Variants in EXOC2 observed in about 807,000 individuals in gnomAD.
The protein encoded by EXOC2 is exocyst complex component 2.
EXOC2 carries 70 observed loss-of-function variants against 131.8 expected under a neutral mutation model. The observed-to-expected ratio is 0.53, with a 90% confidence interval of 0.44 to 0.65. The LOEUF (loss-of-function observed/expected upper bound fraction) is 0.65, where lower values mean the gene tolerates loss of function less well. Among genes scored for constraint, EXOC2 ranks in the 30% least tolerant of loss-of-function variants. EXOC2 has a pLI of 0.00. For synonymous variants in EXOC2, 411 were observed against 398.4 expected (o/e 1.03, Z -0.38); for missense variants, 923 against 1,108.6 (o/e 0.83, Z 2.38).
At chr6:542,531 T>C (rs920169286) in intron 22 of EXOC2, among the ~76,000 whole-genome samples, 13 of 152,290 alleles carry the variant, frequency 8.5e-5, no homozygotes, top group African/African-American at 3.1e-4. Flanking sequence ...AAGTCCGGAT[T>C]GACTGAGGAA....
chr6:606,539 T>A, intron 7 of EXOC2, among the ~76,000 whole-genome samples: 1 of 152,272 alleles, frequency 6.6e-6, no homozygotes, highest in East Asian at 1.9e-4. Flanking sequence ...GCCTTCTTTT[T>A]TGTTGTAATA....
intron 23 of EXOC2, among the ~76,000 whole-genome samples, chr6:528,141 G>A (rs1192014220): frequency 1.3e-5 from 2 of 151,242 alleles, no homozygotes; most frequent in Non-Finnish European, 2.9e-5. Context: ...AATACCCAAC[G>A]GTAAGATTTA....
rs543505179 is a variant in EXOC2 at position 508,438 on chromosome 6, C to A, written c.2381-8738G>T. Among the ~76,000 whole-genome samples, 4 of 152,324 alleles carry A rather than the reference C, an allele frequency of 2.6e-5. No homozygotes were observed. In the South Asian group the frequency reaches 6.2e-4, roughly 24 times the overall value. On this transcript the variant is annotated intron_variant, in intron 23 of 27. Transcript: ENST00000230449. Reference sequence around the variant, plus strand: ...ACAGTAGCTTCACTGCCCTAAAACTCCTCTGTGCTCCCTCCTTCCCCAGTA... The same window carrying A: ...ACAGTAGCTTCACTGCCCTAAAACTACTCTGTGCTCCCTCCTTCCCCAGTA...
intron 23 of EXOC2, among the ~76,000 whole-genome samples, chr6:510,475 G>A (rs1764777661): frequency 6.6e-6 from 1 of 151,942 alleles, no homozygotes; most frequent in African/African-American, 2.4e-5. Flanking sequence ...AGAAAACATT[G>A]CCAACAGTGA....
At chr6:528,931 C>T (rs1241333947) in intron 23 of EXOC2, among the ~76,000 whole-genome samples, 2 of 152,132 alleles carry the variant, frequency 1.3e-5, no homozygotes, top group East Asian at 3.9e-4. Context: ...TGGTAACTAG[C>T]TGGATGCAGA....
At chr6:514,025 G>A (rs944607605) in intron 23 of EXOC2, among the ~76,000 whole-genome samples, 1 of 152,208 alleles carries the variant, frequency 6.6e-6, no homozygotes, top group Admixed American at 6.5e-5. Flanking sequence ...CTTTTGAAAA[G>A]TGTTAGGAGG....
At chr6:582,334 A>G (rs1475767040) in intron 11 of EXOC2, among the ~76,000 whole-genome samples, 3 of 152,124 alleles carry the variant, frequency 2.0e-5, no homozygotes, top group Non-Finnish European at 2.9e-5. Flanking sequence ...GAGTAAGGTT[A>G]CTGTATTTTC....
intron 6 of EXOC2, 96 bp from the exon 7 acceptor site, chr6:610,274 A>AT: frequency 9.1e-7 from 1 of 1,102,456 alleles, no homozygotes; most frequent in Non-Finnish European, 1.3e-6. Flanking sequence ...TAAAATGGTC[A>AT]TATTATTTTC....
intron 23 of EXOC2, among the ~76,000 whole-genome samples, chr6:510,322 T>C (rs923822628): frequency 3.9e-5 from 6 of 152,206 alleles, no homozygotes; most frequent in African/African-American, 1.2e-4. Flanking sequence ...ACCCTTCCTA[T>C]GTAGCACATG....
intron 3 of EXOC2, 56 bp downstream of exon 3, chr6:632,885 A>T (rs945158872): frequency 6.5e-7 from 1 of 1,532,232 alleles, no homozygotes; most frequent in African/African-American, 1.4e-5. Flanking sequence ...TTTACAGCTT[A>T]AAAGACAAAC....
chr6:572,578 T>A lies in EXOC2; in HGVS notation c.1385A>T (p.Gln462Leu), dbSNP rs770354981. Residue 462 changes from glutamine to leucine, a missense_variant, in exon 13 of 28, where the codon CAG (glutamine) becomes CTG (leucine). Physicochemically the swap from Gln to Leu is moderately radical, Grantham distance 113 (BLOSUM62 -2). Transcript: ENST00000230449. ...VEKLTKLVLS[Q>L]LPNFWKLWIS... Reference sequence around the variant, plus strand: ...CCAGAGTTTCCAGAAGTTAGGCAGCTGGCTCAAGACGAGTTTTGTCAATTT... The same window carrying A: ...CCAGAGTTTCCAGAAGTTAGGCAGCAGGCTCAAGACGAGTTTTGTCAATTT... 9 of 1,614,214 alleles carry A rather than the reference T, an allele frequency of 5.6e-6. No homozygotes were observed. Among genetic ancestry groups the A allele is most frequent in the Non-Finnish European group, 5.1e-6 (6 of 1,180,034 alleles).
rs1283216493 is a variant in EXOC2 at position 564,101 on chromosome 6, G to C, written c.1721C>G (p.Thr574Ser). Residue 574 changes from threonine (T) to serine (S), a missense_variant, in exon 16 of 28, where the codon ACT becomes AGT. By Grantham distance (58) the Thr-to-Ser change is moderately conservative (BLOSUM62 1). Coordinates refer to ENST00000230449, the MANE Select transcript of EXOC2 (RefSeq NM_018303.6). ...GAGATCCAAGATGAGATCCTGGATA[G>C]TCTGTAACAGGTCATTAGGAATTTC... ...ALEIPNDLLQ[T>S]IQDLILDLRV... is the part of the protein sequence containing the mutation. 1 of 1,614,148 alleles carries C rather than the reference G, an allele frequency of 6.2e-7. No individual in the cohort carries two copies. Among genetic ancestry groups the C allele is most frequent in the South Asian group, 1.1e-5 (1 of 91,074 alleles).
At chr6:687,215 C>T (rs1248387935) in intron 1 of EXOC2, among the ~76,000 whole-genome samples, 5 of 110,436 alleles carry the variant, frequency 4.5e-5, no homozygotes, top group African/African-American at 1.0e-4. Flanking sequence ...CTCACTCAGT[C>T]ACCCAGGCTG....
intron 1 of EXOC2, among the ~76,000 whole-genome samples, chr6:687,083 T>C (rs1415869792): frequency 1.3e-5 from 2 of 151,222 alleles, no homozygotes; most frequent in Non-Finnish European, 2.9e-5. Flanking sequence ...GAAGTATAGT[T>C]TTTCAGAAAA....
At chr6:616,560 G>A (rs370949458) in intron 6 of EXOC2, among the ~76,000 whole-genome samples, 13 of 120,172 alleles carry the variant, frequency 1.1e-4, no homozygotes, top group African/African-American at 2.9e-4. Flanking sequence ...CTGAGATCGC[G>A]CCACAGCACT....
Position 502,068 on chromosome 6 carries a change from C to T in EXOC2, c.2381-2368G>A, listed in dbSNP as rs572294709. Among the ~76,000 whole-genome samples, 5 of 152,286 alleles carry T rather than the reference C, an allele frequency of 3.3e-5. No individual in the cohort carries two copies. The South Asian group carries it at 1.0e-3, about 32-fold the overall frequency. Reference sequence around the variant, plus strand: ...CGCTCATACCCTCTGGGCAGCCCCACCCAGGGGCGGAGATCCACATGCTCA... The same window carrying T: ...CGCTCATACCCTCTGGGCAGCCCCATCCAGGGGCGGAGATCCACATGCTCA... On this transcript the variant is annotated intron_variant, in intron 23 of 27. Coordinates refer to ENST00000230449, the MANE Select transcript of EXOC2 (RefSeq NM_018303.6).
chr6:509,097 G>T (rs575874712), intron 23 of EXOC2, among the ~76,000 whole-genome samples: 1 of 152,172 alleles, frequency 6.6e-6, no homozygotes, highest in Non-Finnish European at 1.5e-5. Context: ...GTCTGTGAAG[G>T]TCTTTGACTT....
chr6:503,188 T>C (rs897988296), intron 23 of EXOC2, among the ~76,000 whole-genome samples: 4 of 152,120 alleles, frequency 2.6e-5, no homozygotes, highest in African/African-American at 9.7e-5. Flanking sequence ...TTATTACCGA[T>C]TGGGCTGAAA....
intron 22 of EXOC2, 94 bp downstream of exon 22, chr6:549,081 A>G (rs1581415087): frequency 1.0e-6 from 1 of 974,464 alleles, no homozygotes; most frequent in Non-Finnish European, 1.6e-6. Flanking sequence ...ACGCAGAGGG[A>G]ATGGGCACTG....
Sources: allele counts gnomAD v4.1 joint callset (sites outside exome capture counted in the v4.1 genomes callset), GRCh38; gene constraint gnomAD v4.1.1; transcripts MANE v1.5; gene names NCBI Gene and HGNC (gene_info 2026-07-23, HGNC 2026-07-21).